Variants in GMPS observed in about 807,000 individuals in gnomAD.
GMPS encodes the protein GMP synthase [glutamine-hydrolyzing].
Under a neutral mutation model 77.9 loss-of-function variants are expected in GMPS, and 15 were observed. That is an observed-to-expected ratio of 0.19 (90% CI 0.13 to 0.30). GMPS has a LOEUF of 0.30. Ranked by LOEUF, GMPS falls within the 10% of genes least tolerant of loss-of-function variation. The probability of loss-of-function intolerance (pLI) is 1.00; values close to 1 mark genes in which losing one functional copy is unlikely to be tolerated. For synonymous variants in GMPS, 224 were observed against 275.9 expected (o/e 0.81, Z 1.86); for missense variants, 590 against 838.8 (o/e 0.70, Z 3.66).
At chr3:155,919,789 C>T (rs905780739) in intron 10 of GMPS, among the ~76,000 whole-genome samples, 1 of 152,186 alleles carries the variant, frequency 6.6e-6, no homozygotes, top group South Asian at 2.1e-4. Flanking sequence ...TTATTCTGTG[C>T]AGAGAATTCC....
At chr3:155,935,236 T>G (rs1238915500) in intron 14 of GMPS, among the ~76,000 whole-genome samples, 190 bp downstream of exon 14, 2 of 152,192 alleles carry the variant, frequency 1.3e-5, no homozygotes, top group East Asian at 3.8e-4. Flanking sequence ...CAGGCTGGAG[T>G]GCAGTGGCAC....
chr3:155,884,424 A>G (rs1254123850), intron 1 of GMPS, among the ~76,000 whole-genome samples: 2 of 152,036 alleles, frequency 1.3e-5, no homozygotes, highest in African/African-American at 4.8e-5. Context: ...CACGAGGCAA[A>G]GAACAGTATA....
At chr3:155,874,507 A>T (rs996638266) in intron 1 of GMPS, among the ~76,000 whole-genome samples, 19 of 152,214 alleles carry the variant, frequency 1.2e-4, no homozygotes, top group Non-Finnish European at 2.5e-4. Context: ...ACCTTTTGTC[A>T]CAACTTAGTA....
intron 2 of GMPS, among the ~76,000 whole-genome samples, chr3:155,894,832 T>C (rs1299297436): frequency 1.3e-5 from 2 of 152,202 alleles, no homozygotes; most frequent in African/African-American, 4.8e-5. Flanking sequence ...TCTGCTCTGG[T>C]GTTAGGATAC....
intron 9 of GMPS, 30 bp downstream of exon 9, chr3:155,916,222 G>C (rs1324190196): frequency 7.1e-7 from 1 of 1,415,630 alleles, no homozygotes; most frequent in Admixed American, 1.7e-5. Context: ...TTTTCATAAA[G>C]TAGATACATG....
intron 10 of GMPS, 85 bp from the exon 11 acceptor site, chr3:155,922,102 T>TA (rs1755331832): frequency 1.7e-6 from 1 of 601,622 alleles, no homozygotes; most frequent in African/African-American, 2.0e-5. Context: ...GTTTTATGTT[T>TA]TGAAACTAGT....
intron 5 of GMPS, among the ~76,000 whole-genome samples, chr3:155,907,546 G>T (rs1237038751): frequency 3.3e-5 from 5 of 152,088 alleles, no homozygotes; most frequent in South Asian, 4.1e-4. Context: ...CTGTGGTTGT[G>T]CCCCTACACT....
intron 11 of GMPS, among the ~76,000 whole-genome samples, chr3:155,924,186 A>T (rs1424872131): frequency 6.6e-6 from 1 of 152,222 alleles, no homozygotes; most frequent in Non-Finnish European, 1.5e-5. Flanking sequence ...GCTGAGAACC[A>T]TTGTTTTAAA....
upstream of GMPS, among the ~76,000 whole-genome samples, chr3:155,870,333 C>T (rs1431663742): frequency 6.6e-6 from 1 of 152,180 alleles, no homozygotes; most frequent in East Asian, 1.9e-4. Flanking sequence ...AGCAAACTAG[C>T]TCGGATTCGG....
rs1237012935 is a variant in GMPS, at chr3:155,939,034, A to T, written c.*1342A>T. On this transcript the variant is annotated 3_prime_UTR_variant, in exon 16 of 16. Transcript: ENST00000496455. ...ATTTGGGATTCAGTGTTAGACAAAC[A>T]ACAAAATGATGCGTGGCAGAAGTCA... The T allele has an allele frequency of 4.6e-6, 1 of 219,134 alleles. No individual in the cohort carries two copies. The highest frequency in any genetic ancestry group is 2.2e-5 in the African/African-American group (1 of 44,580). The allele number at this position is 219,134 out of a possible 1,614,324, so 13.6% of individuals were successfully genotyped here.
At chr3:155,913,215 AT>A (rs1755084341) in intron 7 of GMPS, among the ~76,000 whole-genome samples, 1 of 152,228 alleles carries the variant, frequency 6.6e-6, no homozygotes, top group Non-Finnish European at 1.5e-5. Context: ...AGACCTACAA[AT>A]TCACTGGCTT....
Position 155,870,869 on chromosome 3 carries a change from C to G in GMPS, c.-2C>G, listed in dbSNP as rs757252271. 6.0e-6 allele frequency: 9 copies of G among 1,507,988 alleles called. No homozygotes were observed. The highest frequency in any genetic ancestry group is 1.2e-5 in the South Asian group (1 of 81,108). The allele number at this position is 1,507,988 out of a possible 1,614,324, so 93.4% of individuals were successfully genotyped here. On this transcript the variant is annotated 5_prime_UTR_variant, in exon 1 of 16. Coordinates refer to ENST00000496455, the MANE Select transcript of GMPS (RefSeq NM_003875.3). ...ACCGCCGCGGCTCCGGCCCTGGCCC[C>G]GATGGCTCTGTGCAACGGAGACTCC... is the stretch of plus-strand genomic sequence containing the variant.
chr3:155,880,882 G>T (rs1394857760), intron 1 of GMPS, among the ~76,000 whole-genome samples: 1 of 151,744 alleles, frequency 6.6e-6, no homozygotes, highest in Non-Finnish European at 1.5e-5. Context: ...TCCTTCATTA[G>T]TTACCCTCTT....
chr3:155,888,243 G>A (rs1248404997), intron 1 of GMPS, among the ~76,000 whole-genome samples: 1 of 148,226 alleles, frequency 6.7e-6, no homozygotes, highest in African/African-American at 2.5e-5. Flanking sequence ...TAATTTTGTT[G>A]GAGTATGTTT....
At chr3:155,892,293 C>G (rs540984305) in intron 1 of GMPS, among the ~76,000 whole-genome samples, 1 of 152,156 alleles carries the variant, frequency 6.6e-6, no homozygotes, top group East Asian at 1.9e-4. Flanking sequence ...TACATGCTTC[C>G]TATAAGTGGA....
intron 1 of GMPS, among the ~76,000 whole-genome samples, chr3:155,872,465 C>G (rs1753929073): frequency 6.6e-6 from 1 of 152,144 alleles, no homozygotes; most frequent in Non-Finnish European, 1.5e-5. Flanking sequence ...TGGAAAGATT[C>G]ATCTTTATGC....
Position 155,910,905 on chromosome 3 carries a change from G to A in GMPS, c.720+20G>A. On this transcript the variant is annotated intron_variant, in intron 6 of 15. Coordinates refer to ENST00000496455, the MANE Select transcript of GMPS (RefSeq NM_003875.3). ...GTTTTGGTAAGCAAATTATTATCTG[G>A]AAGTCTACAAATTTATATCAATAAT... The A allele has an allele frequency of 1.3e-6, 2 of 1,488,308 alleles. No individual in the cohort carries two copies. Among genetic ancestry groups the A allele is most frequent in the South Asian group, 1.2e-5 (1 of 81,022 alleles). The allele number at this position is 1,488,308 out of a possible 1,614,324, so 92.2% of individuals were successfully genotyped here.
intron 7 of GMPS, among the ~76,000 whole-genome samples, chr3:155,913,264 G>A (rs945453156): frequency 1.3e-5 from 2 of 152,132 alleles, no homozygotes; most frequent in Non-Finnish European, 1.5e-5. Context: ...GTCATCTTAC[G>A]GTGAAGGCCT....
chr3:155,906,714 C>G (rs549924437), intron 5 of GMPS, among the ~76,000 whole-genome samples: 21 of 151,858 alleles, frequency 1.4e-4, no homozygotes, highest in Non-Finnish European at 2.9e-4. Context: ...TGGGTCAAAT[C>G]TAGTCTTTTG....
Sources: gnomAD v4.1 joint callset for allele counts (sites outside exome capture counted in the v4.1 genomes callset) on GRCh38, gnomAD v4.1.1 for gene constraint, MANE v1.5 for transcripts, NCBI Gene and HGNC (gene_info 2026-07-23, HGNC 2026-07-21) for gene names.